The following RFX3 variants were observed in gnomAD, a reference collection of about 807,000 sequenced individuals.
RFX3 encodes the protein transcription factor RFX3.
In RFX3, 14 loss-of-function variants were observed where a neutral mutation model predicts 98.6. The ratio of observed to expected loss-of-function variants is 0.14; its 90% CI spans 0.09 to 0.22. The LOEUF is 0.22. RFX3 is among the 10% of genes least tolerant of loss of function. The pLI is 1.00. For missense variants in RFX3, 639 were observed against 926.9 expected, an observed-to-expected ratio of 0.69 and a Z score of 4.03; for synonymous variants, 383 against 328.4, an observed-to-expected ratio of 1.17 and a Z score of -1.80.
chr9:3,326,045 C>T (rs1831877923), intron 4 of RFX3, among the ~76,000 whole-genome samples: 2 of 152,132 alleles, frequency 1.3e-5, no homozygotes, highest in South Asian at 2.1e-4. Context: ...AACCCATATC[C>T]AGTGATGATT....
At chr9:3,474,321 T>G (rs1849033409) in intron 1 of RFX3, among the ~76,000 whole-genome samples, 1 of 152,240 alleles carries the variant, frequency 6.6e-6, no homozygotes, top group African/African-American at 2.4e-5. Flanking sequence ...TGCAGCACTT[T>G]TTATGACCTA....
At chr9:3,370,783 AATTGAG>A (rs1177390917) in intron 2 of RFX3, among the ~76,000 whole-genome samples, 2 of 152,182 alleles carry the variant, frequency 1.3e-5, no homozygotes, top group Non-Finnish European at 2.9e-5. Context: ...TACAACTGCA[AATTGAG>A]ATTAAGTATT....
intron 2 of RFX3, among the ~76,000 whole-genome samples, chr9:3,389,463 T>G (rs1407984686): frequency 1.3e-5 from 2 of 152,120 alleles, no homozygotes; most frequent in Non-Finnish European, 2.9e-5. Context: ...TTTTATCAAT[T>G]TTATTGAATT....
intron 4 of RFX3, among the ~76,000 whole-genome samples, chr9:3,309,857 C>T (rs937003831): frequency 6.6e-6 from 1 of 152,138 alleles, no homozygotes; most frequent in African/African-American, 2.4e-5. Flanking sequence ...GAGTTGCTCT[C>T]AGGTTTAAGT....
intron 1 of RFX3, among the ~76,000 whole-genome samples, chr9:3,441,941 T>C (rs1260372315): frequency 6.6e-6 from 1 of 152,168 alleles, no homozygotes; most frequent in African/African-American, 2.4e-5. Flanking sequence ...GGCTCACACC[T>C]GTAATCCCAG....
chr9:3,521,298 T>C (rs1411431292), intron 1 of RFX3, among the ~76,000 whole-genome samples: 1 of 152,204 alleles, frequency 6.6e-6, no homozygotes, highest in Non-Finnish European at 1.5e-5. Flanking sequence ...ATATCAATCT[T>C]TATATTGTTA....
At chr9:3,296,013 A>G (rs1425549758) in intron 5 of RFX3, among the ~76,000 whole-genome samples, 1 of 152,042 alleles carries the variant, frequency 6.6e-6, no homozygotes, top group Non-Finnish European at 1.5e-5. Context: ...TAAAAATAAG[A>G]CAAACATGTA....
chr9:3,332,644 C>T (rs1221129554), intron 3 of RFX3, among the ~76,000 whole-genome samples: 3 of 152,130 alleles, frequency 2.0e-5, no homozygotes, highest in Non-Finnish European at 4.4e-5. Context: ...TCTCTCTTGC[C>T]TTCAGAAAAA....
At chr9:3,286,806 C>T (rs1478678951) in intron 7 of RFX3, among the ~76,000 whole-genome samples, 4 of 151,914 alleles carry the variant, frequency 2.6e-5, no homozygotes, top group Non-Finnish European at 4.4e-5. Context: ...ATACCAGCCT[C>T]AATAAATATG....
At chr9:3,504,969 T>TAC (rs1816760206) in intron 1 of RFX3, among the ~76,000 whole-genome samples, 1 of 79,408 alleles carries the variant, frequency 1.3e-5, no homozygotes, top group African/African-American at 5.2e-5. Flanking sequence ...ATATATAATA[T>TAC]ATATTATATA....
chr9:3,461,697 G>A (rs1281432327), intron 1 of RFX3, among the ~76,000 whole-genome samples: 1 of 151,676 alleles, frequency 6.6e-6, no homozygotes, highest in South Asian at 2.1e-4. Context: ...TTACATGAAC[G>A]AAAACAAAAT....
rs1819233102 is a variant in RFX3 at position 3,525,884 on chromosome 9, A to T, written c.-146T>A. The T allele has an allele frequency of 1.0e-6, 1 of 984,292 alleles. No individual in the cohort carries two copies. Among genetic ancestry groups the T allele is most frequent in the Non-Finnish European group, 1.2e-6 (1 of 829,670 alleles). 61.0% of individuals were successfully genotyped at this position (984,292 alleles called of 1,614,324 possible). ...AACAGTCGCCAGGACTACGGTGACT[A>T]TGGCGCTTGATTCACAAGGCAACGG... On this transcript the variant is annotated 5_prime_UTR_variant, in exon 1 of 17. Transcript: ENST00000617270.
chr9:3,228,939 A>C, intron 15 of RFX3, 50 bp from the exon 16 acceptor site: 5 of 1,493,606 alleles, frequency 3.3e-6, no homozygotes, highest in Non-Finnish European at 4.6e-6. Context: ...GCAGAATAAA[A>C]TAATACTCTA....
chr9:3,312,315 C>T (rs1248114045), intron 4 of RFX3, among the ~76,000 whole-genome samples: 1 of 152,056 alleles, frequency 6.6e-6, no homozygotes, highest in African/African-American at 2.4e-5. Flanking sequence ...ACTTCAAATA[C>T]CCTGTAATAA....
intron 7 of RFX3, among the ~76,000 whole-genome samples, chr9:3,282,830 G>C (rs1301712421): frequency 1.3e-5 from 2 of 151,720 alleles, no homozygotes; most frequent in African/African-American, 4.8e-5. Context: ...GTTCTATCTA[G>C]GAAGAAATAA....
chr9:3,307,624 T>C lies in RFX3; in HGVS notation c.475-6004A>G, dbSNP rs147375858. 7.3e-3 allele frequency among the ~76,000 whole-genome samples: 1,117 copies of C among 152,292 alleles called. 7 individuals carry two copies. The highest frequency in any genetic ancestry group is 0.011 in the Non-Finnish European group (715 of 68,008). Reference sequence around the variant, plus strand: ...TACTTGAAATGAACACAATGGCCTTTATTTCATCACTATGTGATTAGAACA... The same window carrying C: ...TACTTGAAATGAACACAATGGCCTTCATTTCATCACTATGTGATTAGAACA... On this transcript the variant is annotated intron_variant, in intron 4 of 16. Coordinates refer to ENST00000617270, the MANE Select transcript of RFX3 (RefSeq NM_001282116.2).
At position 3,292,061 on chromosome 9, in the gene RFX3, C is replaced by CAAAAAAAA; in HGVS notation, c.731+1008_731+1015dup. Among the ~76,000 whole-genome samples, 41 of 23,946 alleles carry CAAAAAAAA rather than the reference C, an allele frequency of 1.7e-3. 9 individuals carry two copies. Among genetic ancestry groups the CAAAAAAAA allele is most frequent in the South Asian group, 6.5e-3 (2 of 308 alleles). The allele number at this position is 23,946 out of a possible 152,430, so 15.7% of individuals were successfully genotyped here. A position where few individuals can be genotyped will look rare whatever the true frequency, so the allele number is the denominator to read the frequency against. ...ACAGAAACAGAGTGAGACTCCATCT[C>CAAAAAAAA]AAAAAAAAAAAAAAAAAAAAAAAAA... On this transcript the variant is annotated intron_variant, in intron 6 of 16. Transcript: ENST00000617270.
intron 3 of RFX3, 29 bp downstream of exon 3, chr9:3,346,638 A>G: frequency 7.3e-7 from 1 of 1,376,598 alleles, no homozygotes; most frequent in Non-Finnish European, 1.0e-6. Context: ...GAGTGGGGGA[A>G]TTAAAAAGAC....
intron 1 of RFX3, among the ~76,000 whole-genome samples, chr9:3,492,345 C>A (rs757521833): frequency 6.6e-6 from 1 of 152,204 alleles, no homozygotes; most frequent in African/African-American, 2.4e-5. Flanking sequence ...TCCCTTCCAG[C>A]ACAACCGTGA....
Sources: gnomAD v4.1 joint callset for allele counts (sites outside exome capture counted in the v4.1 genomes callset) on GRCh38, gnomAD v4.1.1 for gene constraint, MANE v1.5 for transcripts, NCBI Gene and HGNC (gene_info 2026-07-23, HGNC 2026-07-21) for gene names.